Variants in ARHGAP15 observed in about 807,000 individuals in gnomAD.
ARHGAP15 encodes Rho GTPase activating protein 15.
ARHGAP15 carries 51 observed loss-of-function variants against 63.7 expected under a neutral mutation model. The ratio of observed to expected loss-of-function variants is 0.80; its 90% CI spans 0.64 to 1.01. The LOEUF (loss-of-function observed/expected upper bound fraction) is 1.01, where lower values mean the gene tolerates loss of function less well. ARHGAP15 is among the 50% of genes least tolerant of loss of function. The probability of loss-of-function intolerance (pLI) is 0.00; values close to 1 mark genes in which losing one functional copy is unlikely to be tolerated. For synonymous variants in ARHGAP15, 191 were observed against 193.8 expected (o/e 0.99, Z 0.12); for missense variants, 560 against 564.6 (o/e 0.99, Z 0.08).
chr2:143,271,497 A>G (rs995081828), intron 6 of ARHGAP15, among the ~76,000 whole-genome samples: 2 of 152,222 alleles, frequency 1.3e-5, no homozygotes, highest in Admixed American at 6.5e-5. Context: ...GCTTGTTGAG[A>G]CGGAGTCTCG....
intron 12 of ARHGAP15, among the ~76,000 whole-genome samples, chr2:143,671,297 A>G (rs1682513663): frequency 6.6e-6 from 1 of 151,884 alleles, no homozygotes; most frequent in African/African-American, 2.4e-5. Context: ...GTATGCATGT[A>G]TAGTACTCTG....
chr2:143,258,016 T>C (rs1453150486), intron 6 of ARHGAP15, among the ~76,000 whole-genome samples: 3 of 152,144 alleles, frequency 2.0e-5, no homozygotes, highest in Admixed American at 2.0e-4. Context: ...TGATTTTTAA[T>C]AGCAAACAGA....
chr2:143,422,573 G>T (rs1327974586), intron 6 of ARHGAP15, among the ~76,000 whole-genome samples: 2 of 152,044 alleles, frequency 1.3e-5, no homozygotes, highest in South Asian at 2.1e-4. Flanking sequence ...AAATAACAAG[G>T]ATATTTTAAA....
intron 11 of ARHGAP15, among the ~76,000 whole-genome samples, chr2:143,610,843 T>C (rs777809862): frequency 3.9e-5 from 6 of 151,932 alleles, no homozygotes; most frequent in Non-Finnish European, 8.8e-5. Context: ...ATTCTCCTGT[T>C]TCAGCCTCCC....
intron 8 of ARHGAP15, among the ~76,000 whole-genome samples, chr2:143,443,152 C>T (rs748597112): frequency 4.6e-5 from 7 of 152,116 alleles, no homozygotes; most frequent in Admixed American, 2.6e-4. Context: ...GTTCTGGAGG[C>T]TCATATAAAT....
intron 6 of ARHGAP15, among the ~76,000 whole-genome samples, chr2:143,433,739 A>ATGT (rs10628431): frequency 0.11 from 16,569 of 151,964 alleles, 1,229 homozygotes; most frequent in African/African-American, 0.21. Flanking sequence ...TACTTCTTAA[A>ATGT]TGTTTCTTTT....
intron 6 of ARHGAP15, among the ~76,000 whole-genome samples, chr2:143,305,792 G>A (rs1012261188): frequency 1.3e-5 from 2 of 152,060 alleles, no homozygotes; most frequent in African/African-American, 4.8e-5. Context: ...GCATGTCGGT[G>A]CTTTAGGAAA....
chr2:143,394,405 A>AT (rs1429047795), intron 6 of ARHGAP15, among the ~76,000 whole-genome samples: 8 of 152,216 alleles, frequency 5.3e-5, no homozygotes, highest in Non-Finnish European at 1.2e-4. Context: ...AGAAAGACTA[A>AT]TGAGACCATG....
intron 6 of ARHGAP15, among the ~76,000 whole-genome samples, chr2:143,307,777 G>T (rs1683242885): frequency 6.6e-6 from 1 of 152,038 alleles, no homozygotes; most frequent in South Asian, 2.1e-4. Flanking sequence ...CAATCAAGCA[G>T]CTGGTAAAAT....
At chr2:143,504,996 C>G (rs763042399) in intron 9 of ARHGAP15, among the ~76,000 whole-genome samples, 8 of 152,216 alleles carry the variant, frequency 5.3e-5, no homozygotes, top group Non-Finnish European at 1.2e-4. Context: ...GGGCCTGAAG[C>G]AACAACTCTT....
At chr2:143,490,784 T>C (rs1692551570) in intron 9 of ARHGAP15, among the ~76,000 whole-genome samples, 1 of 152,056 alleles carries the variant, frequency 6.6e-6, no homozygotes, top group South Asian at 2.1e-4. Flanking sequence ...CATGCCCCAC[T>C]GTTTTTTTGT....
intron 8 of ARHGAP15, chr2:143,437,366 T>C: frequency 4.1e-6 from 1 of 241,986 alleles, no homozygotes; most frequent in Non-Finnish European, 8.0e-6. Context: ...CCAACCCTGG[T>C]ATCCTGACTA....
intron 6 of ARHGAP15, among the ~76,000 whole-genome samples, chr2:143,379,366 T>G (rs1033647105): frequency 2.6e-5 from 4 of 151,820 alleles, no homozygotes; most frequent in African/African-American, 9.7e-5. Context: ...TATGTGTGTG[T>G]GTATACATTT....
chr2:143,760,482 T>A (rs1441984352), intron 13 of ARHGAP15, among the ~76,000 whole-genome samples: 1 of 152,178 alleles, frequency 6.6e-6, no homozygotes, highest in African/African-American at 2.4e-5. Flanking sequence ...AATTGAAGCC[T>A]GTGGGCCATT....
At chr2:143,731,924 A>G (rs770388166) in intron 13 of ARHGAP15, among the ~76,000 whole-genome samples, 1 of 152,222 alleles carries the variant, frequency 6.6e-6, no homozygotes, top group Non-Finnish European at 1.5e-5. Flanking sequence ...TTCCTAGATC[A>G]ACCAACTAAA....
At chr2:143,512,361 G>A (rs547375188) in intron 9 of ARHGAP15, among the ~76,000 whole-genome samples, 1 of 152,336 alleles carries the variant, frequency 6.6e-6, no homozygotes, top group African/African-American at 2.4e-5. Context: ...ATGCATATTC[G>A]TCACTGGAGA....
chr2:143,721,513 C>T (rs962532611), intron 13 of ARHGAP15, among the ~76,000 whole-genome samples: 1 of 152,154 alleles, frequency 6.6e-6, no homozygotes, highest in African/African-American at 2.4e-5. Flanking sequence ...CAGCAGTGGT[C>T]TGTCAGGACC....
chr2:143,512,985 A>G (rs1208880723), intron 9 of ARHGAP15, among the ~76,000 whole-genome samples: 8 of 152,250 alleles, frequency 5.3e-5, no homozygotes, highest in African/African-American at 1.9e-4. Context: ...TTTGTAGAAG[A>G]AGCGTTGCTT....
intron 13 of ARHGAP15, among the ~76,000 whole-genome samples, chr2:143,745,861 CTAAG>C (rs1686143694): frequency 6.6e-6 from 1 of 152,172 alleles, no homozygotes; most frequent in Non-Finnish European, 1.5e-5. Flanking sequence ...CTGAGCAAGG[CTAAG>C]TGAGTGCCCA....
Sources: allele counts gnomAD v4.1 joint callset (sites outside exome capture counted in the v4.1 genomes callset), GRCh38; gene constraint gnomAD v4.1.1; transcripts MANE v1.5; gene names NCBI Gene and HGNC (gene_info 2026-07-23, HGNC 2026-07-21).